DOP1B: variants seen among roughly 807,000 people sequenced by gnomAD.
DOP1B encodes protein DOP1B.
A neutral mutation model predicts 233.5 loss-of-function variants in DOP1B; 174 were observed. The observed-to-expected ratio is 0.75, with a 90% CI of 0.66 to 0.85. The LOEUF is 0.85. Ranked by LOEUF, DOP1B falls within the 40% of genes least tolerant of loss-of-function variation. The pLI is 0.00. For synonymous variants in DOP1B, 1,190 were observed against 1,185.6 expected (o/e 1.00, Z -0.08); for missense variants, 2,652 against 2,846.6 (o/e 0.93, Z 1.56).
At chr21:36,161,699 C>T (rs1012485300) in intron 1 of DOP1B, among the ~76,000 whole-genome samples, 1 of 152,164 alleles carries the variant, frequency 6.6e-6, no homozygotes, top group African/African-American at 2.4e-5. Flanking sequence ...GCAAGCATCG[C>T]CATCATCCCA....
intron 18 of DOP1B, among the ~76,000 whole-genome samples, chr21:36,242,284 T>C (rs2123580139): frequency 6.6e-6 from 1 of 151,898 alleles, no homozygotes; most frequent in East Asian, 1.9e-4. Context: ...GCAATTCTCC[T>C]GCCTCAGCCT....
chr21:36,252,038 G>A (rs796586464), intron 22 of DOP1B, among the ~76,000 whole-genome samples: 19 of 151,992 alleles, frequency 1.3e-4, no homozygotes, highest in East Asian at 3.9e-4. Flanking sequence ...TTAGCCGGGC[G>A]TGGTGTTGTG....
chr21:36,170,381 A>T (rs374403119), intron 2 of DOP1B: 1 of 223,510 alleles, frequency 4.5e-6, no homozygotes, highest in East Asian at 1.5e-4. Flanking sequence ...GCAGATCATG[A>T]GGTCAAAAGA....
intron 2 of DOP1B, among the ~76,000 whole-genome samples, chr21:36,173,385 A>T (rs2065990767): frequency 6.6e-6 from 1 of 151,654 alleles, no homozygotes; most frequent in Middle Eastern, 3.4e-3. Flanking sequence ...ATGTTTCAGC[A>T]TCATTTTTAG....
At chr21:36,185,821 G>T (rs2066159020) in intron 2 of DOP1B, among the ~76,000 whole-genome samples, 1 of 152,226 alleles carries the variant, frequency 6.6e-6, no homozygotes, top group African/African-American at 2.4e-5. Context: ...AACTCTGACG[G>T]GGAAAAATAA....
In DOP1B at chr21:36,156,899, T is replaced by G. The variant is rs1356203221; in HGVS notation, c.-71T>G. 6.6e-6 allele frequency: 1 copy of G among 152,252 alleles called. No homozygotes were observed. Among genetic ancestry groups the G allele is most frequent in the Non-Finnish European group, 1.5e-5 (1 of 68,120 alleles). 9.4% of individuals were successfully genotyped at this position (152,252 alleles called of 1,614,324 possible). On this transcript the variant is annotated 5_prime_UTR_variant, in exon 1 of 37. Transcript: ENST00000691173. The stretch of plus-strand genomic sequence containing the variant: ...TCTCTCCCCCAGCCCGGAGGGCTCC[T>G]CCGCGCCGCACGTGAGCGCGCCCGC...
At chr21:36,223,850 C>T (rs534028807) in intron 11 of DOP1B, among the ~76,000 whole-genome samples, 1 of 152,294 alleles carries the variant, frequency 6.6e-6, no homozygotes, top group African/African-American at 2.4e-5. Context: ...TGGCGTACCC[C>T]AGGAATACCG....
At position 36,261,139 on chromosome 21, in the gene DOP1B, C is replaced by A; in HGVS notation, c.5315+407C>A. 6 of 969,734 alleles carry A rather than the reference C, an allele frequency of 6.2e-6. No individual in the cohort carries two copies. The South Asian group carries it at 2.3e-4, about 37-fold the overall frequency. The allele number at this position is 969,734 out of a possible 1,614,324, so 60.1% of individuals were successfully genotyped here. A position where few individuals can be genotyped will look rare whatever the true frequency, so the allele number is the denominator to read the frequency against. On this transcript the variant is annotated intron_variant, in intron 24 of 36. Transcript: ENST00000691173. Reference sequence around the variant, plus strand: ...CAGCACTTTGGGAGGTGGAGGCAGGCGGATCACTTGAGGCCAGGAGTTTGA... The same window carrying A: ...CAGCACTTTGGGAGGTGGAGGCAGGAGGATCACTTGAGGCCAGGAGTTTGA...
Position 36,246,190 on chromosome 21 carries a change from C to T in DOP1B, c.4210C>T (p.Leu1404=). 1 of 1,613,770 alleles carries T rather than the reference C, an allele frequency of 6.2e-7. No individual in the cohort carries two copies. The highest frequency in any genetic ancestry group is 1.3e-5 in the African/African-American group (1 of 75,056). Residue 1404 remains leucine (L), a synonymous_variant, in exon 19 of 37, where the codon CTG becomes TTG. Transcript: ENST00000691173. This position sits in a 1 kb window ranked among gnomAD's most constrained non-coding sequence, Gnocchi z 5.1. The stretch of plus-strand genomic sequence containing the variant: ...GTACACGAGCCAGAAGCGCTACGGG[C>T]TGGCCACCGCCCACCACGGCAGGGC... ...SMYTSQKRYG[L]ATAHHGRALP... is the part of the protein sequence containing the mutation.
At chr21:36,217,808 A>T (rs757789368) in intron 9 of DOP1B, among the ~76,000 whole-genome samples, 7 of 152,230 alleles carry the variant, frequency 4.6e-5, no homozygotes, top group Non-Finnish European at 7.3e-5. Context: ...TGGAACACTT[A>T]TATAAATGTA....
chr21:36,187,467 G>GT (rs894469138), intron 2 of DOP1B, among the ~76,000 whole-genome samples: 34 of 150,976 alleles, frequency 2.3e-4, no homozygotes, highest in Middle Eastern at 3.4e-3. Context: ...GCTAATTTTT[G>GT]TTTTTTTTTA....
intron 32 of DOP1B, among the ~76,000 whole-genome samples, chr21:36,285,804 CAAGACCA>C (rs2067475342): frequency 6.6e-6 from 1 of 151,998 alleles, no homozygotes; most frequent in Admixed American, 6.6e-5. Context: ...GTCAGGAGTT[CAAGACCA>C]ACCTGGCCAA....
At chr21:36,255,712 G>A (rs538709714) in intron 23 of DOP1B, among the ~76,000 whole-genome samples, 5 of 152,146 alleles carry the variant, frequency 3.3e-5, no homozygotes, top group Admixed American at 6.5e-5. Context: ...GATTACGGGC[G>A]AGAGCCACCA....
intron 9 of DOP1B, among the ~76,000 whole-genome samples, chr21:36,217,509 C>G (rs924562046): frequency 6.6e-6 from 1 of 152,166 alleles, no homozygotes; most frequent in Admixed American, 6.5e-5. Context: ...TTTGTCAGCA[C>G]CCCCCGATGC....
intron 12 of DOP1B, 120 bp from the exon 13 acceptor site, chr21:36,227,566 G>A: frequency 1.1e-6 from 1 of 909,266 alleles, no homozygotes; most frequent in African/African-American, 1.7e-5. Context: ...AAGAAAGAAA[G>A]AAAGAAAATT....
Position 36,269,240 on chromosome 21 carries a change from C to T in DOP1B, c.5488-773C>T, listed in dbSNP as rs2067260754. On this transcript the variant is annotated intron_variant, in intron 26 of 36. Transcript: ENST00000691173. ...GCATGATCTAGGCTCACTGCAACCT[C>T]CACCTCCCGGGTTCAAGTGTTTCTC... is the stretch of plus-strand genomic sequence containing the variant. Among the ~76,000 whole-genome samples the T allele has an allele frequency of 2.0e-5, 3 of 152,156 alleles. No homozygotes were observed. In the South Asian group the frequency reaches 6.2e-4, roughly 32 times the overall value.
At chr21:36,232,619 A>G (rs564613837) in intron 14 of DOP1B, among the ~76,000 whole-genome samples, 185 bp from the exon 15 acceptor site, 33 of 152,072 alleles carry the variant, frequency 2.2e-4, no homozygotes, top group Admixed American at 9.2e-4. Context: ...CCTCATCTTA[A>G]TTTGATTACC....
chr21:36,281,567 G>T lies in DOP1B; in HGVS notation c.6116G>T (p.Ser2039Ile). The stretch of plus-strand genomic sequence containing the variant: ...AAGCGCCAGGCTTTTGCTGTCTTCA[G>T]TGGAGAACTTGATCAATACCACCTT... ...LLKRQAFAVF[S>I]GELDQYHLYL... The change falls in exon 32 of 37, where the codon AGT becomes ATT. Residue 2039 changes from serine to isoleucine, a missense_variant. Physicochemically the swap from Ser to Ile is moderately radical, Grantham distance 142 (BLOSUM62 -2). This residue lies in a region of DOP1B where 2,617 missense variants were observed against 2,794.3 expected (regional missense o/e 0.94). Coordinates refer to ENST00000691173, the MANE Select transcript of DOP1B (RefSeq NM_001320714.2). 6.2e-7 allele frequency: 1 copy of T among 1,609,100 alleles called. No individual in the cohort carries two copies. Among genetic ancestry groups the T allele is most frequent in the Non-Finnish European group, 8.5e-7 (1 of 1,175,862 alleles).
At chr21:36,221,529 C>T (rs530610140) in intron 10 of DOP1B, among the ~76,000 whole-genome samples, 2 of 151,884 alleles carry the variant, frequency 1.3e-5, no homozygotes, top group African/African-American at 4.8e-5. Flanking sequence ...CCTGACTGAC[C>T]AATTTCTTAT....
Sources: allele counts gnomAD v4.1 joint callset (sites outside exome capture counted in the v4.1 genomes callset), GRCh38; gene constraint gnomAD v4.1.1; regional missense constraint gnomAD v4.1.1; non-coding constraint Gnocchi (gnomAD v3.1); transcripts MANE v1.5; gene names NCBI Gene and HGNC (gene_info 2026-07-23, HGNC 2026-07-21).